Variants in SIK3 observed in about 807,000 individuals in gnomAD.
The protein encoded by SIK3 is serine/threonine-protein kinase SIK3.
Under a neutral mutation model 144.2 loss-of-function variants are expected in SIK3, and 28 were observed. That is an observed-to-expected ratio of 0.19 (90% CI 0.14 to 0.27). The LOEUF (loss-of-function observed/expected upper bound fraction) is 0.27. Among genes scored for constraint, SIK3 ranks in the 10% least tolerant of loss-of-function variants. SIK3 has a pLI of 1.00. For missense variants in SIK3, 1,319 were observed against 1,776.0 expected, an observed-to-expected ratio of 0.74 and a Z score of 4.62; for synonymous variants, 686 against 676.3, an observed-to-expected ratio of 1.01 and a Z score of -0.22.
At chr11:117,024,029 CT>C (rs1375576368) in intron 1 of SIK3, among the ~76,000 whole-genome samples, 1 of 152,114 alleles carries the variant, frequency 6.6e-6, no homozygotes, top group East Asian at 1.9e-4. Context: ...GCCCAAAAAA[CT>C]TTGTCCCAGA....
intron 1 of SIK3, among the ~76,000 whole-genome samples, chr11:117,080,484 T>C (rs1200247309): frequency 2.6e-5 from 4 of 152,210 alleles, no homozygotes; most frequent in African/African-American, 4.8e-5. Context: ...TTTTGAGACG[T>C]TGACTCTAGG....
chr11:116,938,622 G>GGAGGAGAGGA (rs1180127256), intron 3 of SIK3, among the ~76,000 whole-genome samples: 9 of 34,434 alleles, frequency 2.6e-4, no homozygotes, highest in East Asian at 1.9e-3. Context: ...AGAGGGGAGG[G>GGAGGAGAGGA]GAGGAGAGGA....
At chr11:116,898,079 T>C (rs931752366) in intron 4 of SIK3, among the ~76,000 whole-genome samples, 9 of 151,960 alleles carry the variant, frequency 5.9e-5, no homozygotes, top group Non-Finnish European at 1.2e-4. Context: ...ACCCACTAAC[T>C]CGTCATCTAG....
chr11:116,934,730 T>TA (rs1185115248), intron 3 of SIK3, among the ~76,000 whole-genome samples: 2 of 151,374 alleles, frequency 1.3e-5, no homozygotes, highest in Non-Finnish European at 2.9e-5. Flanking sequence ...TCCCCGCACT[T>TA]AAAGACCAGC....
chr11:116,848,660 A>C (rs1942188628), intron 22 of SIK3, among the ~76,000 whole-genome samples: 1 of 152,216 alleles, frequency 6.6e-6, no homozygotes, highest in Non-Finnish European at 1.5e-5. Flanking sequence ...CTTTGGTCTA[A>C]AATTTGGAGC....
At chr11:116,892,743 T>C (rs1945195522) in intron 6 of SIK3, among the ~76,000 whole-genome samples, 1 of 152,246 alleles carries the variant, frequency 6.6e-6, no homozygotes, top group Non-Finnish European at 1.5e-5. Context: ...ATTAAAAATT[T>C]ATGTCCACAC....
At chr11:116,914,108 C>CA (rs892685044) in intron 4 of SIK3, among the ~76,000 whole-genome samples, 8 of 147,010 alleles carry the variant, frequency 5.4e-5, no homozygotes, top group East Asian at 4.0e-4. Flanking sequence ...AACAAACAAA[C>CA]AAAAAAAAAC....
At chr11:116,976,010 C>T (rs936050108) in intron 1 of SIK3, among the ~76,000 whole-genome samples, 1 of 152,130 alleles carries the variant, frequency 6.6e-6, no homozygotes, top group African/African-American at 2.4e-5. Flanking sequence ...ACTGCATACA[C>T]TTTGAGGGGC....
intron 1 of SIK3, among the ~76,000 whole-genome samples, chr11:117,018,242 T>C (rs548029734): frequency 6.6e-6 from 1 of 152,240 alleles, no homozygotes; most frequent in African/African-American, 2.4e-5. Context: ...AACCTGCATA[T>C]ACAAAAAGTT....
At chr11:117,033,771 A>G (rs1952374603) in intron 1 of SIK3, among the ~76,000 whole-genome samples, 1 of 151,712 alleles carries the variant, frequency 6.6e-6, no homozygotes, top group Non-Finnish European at 1.5e-5. Context: ...AAAAGAAAAC[A>G]TTTTCAGATT....
At chr11:116,895,211 A>G (rs1409067599) in intron 6 of SIK3, among the ~76,000 whole-genome samples, 1 of 151,908 alleles carries the variant, frequency 6.6e-6, no homozygotes, top group Non-Finnish European at 1.5e-5. Flanking sequence ...GTTCCTTCAC[A>G]TGCAGCCATG....
chr11:116,962,852 G>A (rs1046867818), intron 1 of SIK3, among the ~76,000 whole-genome samples: 1 of 151,934 alleles, frequency 6.6e-6, no homozygotes. Flanking sequence ...AGATATATTA[G>A]GCTAAACAAA....
chr11:116,947,515 G>T (rs1054684540), intron 3 of SIK3, among the ~76,000 whole-genome samples: 3 of 132,960 alleles, frequency 2.3e-5, no homozygotes, highest in Non-Finnish European at 3.1e-5. Context: ...CTTTAGCTAG[G>T]GAAATATATA....
chr11:116,976,296 A>C (rs1308340748), intron 1 of SIK3, among the ~76,000 whole-genome samples: 1 of 152,174 alleles, frequency 6.6e-6, no homozygotes, highest in Non-Finnish European at 1.5e-5. Flanking sequence ...CAAATCAGGA[A>C]GGTTTGCTCG....
chr11:117,077,128 G>C (rs1025652323), intron 1 of SIK3, among the ~76,000 whole-genome samples: 4 of 152,164 alleles, frequency 2.6e-5, no homozygotes, highest in Non-Finnish European at 5.9e-5. Context: ...ACTGCACTCT[G>C]GCCTGGTCAA....
chr11:116,871,329 C>A (rs970944395), intron 13 of SIK3, among the ~76,000 whole-genome samples: 2 of 152,200 alleles, frequency 1.3e-5, no homozygotes, highest in Non-Finnish European at 2.9e-5. Context: ...ATAATTTTGT[C>A]GGAAAGCTCC....
At chr11:116,959,603 C>T (rs1475197028) in intron 1 of SIK3, among the ~76,000 whole-genome samples, 2 of 152,096 alleles carry the variant, frequency 1.3e-5, no homozygotes, top group Non-Finnish European at 2.9e-5. Context: ...CTTTCACCTC[C>T]AAGAGATCAC....
At chr11:116,845,990 T>A (rs1361221226) in intron 24 of SIK3, among the ~76,000 whole-genome samples, 2 of 152,232 alleles carry the variant, frequency 1.3e-5, no homozygotes, top group Non-Finnish European at 2.9e-5. Context: ...CATATTTTCC[T>A]GCCAGGTTTT....
At chr11:116,916,656 G>A (rs1187012243) in intron 4 of SIK3, among the ~76,000 whole-genome samples, 1 of 151,780 alleles carries the variant, frequency 6.6e-6, no homozygotes, top group African/African-American at 2.4e-5. Context: ...GACTACAGGT[G>A]CCTGCCACCA....
Sources: gnomAD v4.1 joint callset for allele counts (sites outside exome capture counted in the v4.1 genomes callset) on GRCh38, gnomAD v4.1.1 for gene constraint, MANE v1.5 for transcripts, NCBI Gene and HGNC (gene_info 2026-07-23, HGNC 2026-07-21) for gene names.